Variants in ZNF76 observed in about 807,000 individuals in gnomAD.
ZNF76 encodes the protein zinc finger protein 76, also known as zinc finger protein 523.
In ZNF76, 66 loss-of-function variants were observed where a neutral mutation model predicts 66.9. The observed-to-expected ratio is 0.99, with a 90% CI of 0.81 to 1.21. The LOEUF (loss-of-function observed/expected upper bound fraction) is 1.21, where lower values mean the gene tolerates loss of function less well. ZNF76 is among the 50% of genes most tolerant of loss of function. The pLI, the probability that ZNF76 is intolerant of heterozygous loss-of-function variation, is 0.00. For missense variants in ZNF76, 729 were observed against 760.3 expected, an observed-to-expected ratio of 0.96 and a Z score of 0.48; for synonymous variants, 275 against 296.1, an observed-to-expected ratio of 0.93 and a Z score of 0.73.
intron 1 of ZNF76, among the ~76,000 whole-genome samples, chr6:35,260,829 A>C (rs1024442068): frequency 2.0e-5 from 3 of 152,182 alleles, no homozygotes; most frequent in Non-Finnish European, 4.4e-5. Context: ...AATTTTTTGC[A>C]ATCATTTTTG....
chr6:35,293,724 C>A (rs1370289094), intron 11 of ZNF76, 27 bp from the exon 12 acceptor site: 18 of 1,610,372 alleles, frequency 1.1e-5, no homozygotes, highest in Non-Finnish European at 1.4e-5. Context: ...CTGACACTGC[C>A]AGCTCATCTT....
In ZNF76 at chr6:35,291,333, C is replaced by T. The variant is rs1790347614; in HGVS notation, c.681C>T (p.Cys227=). ...RTHTGEKPYK[C]PEELCSKAFK... The stretch of plus-strand genomic sequence containing the variant: ...ACACTGGTGAGAAACCATACAAGTG[C>T]CCAGAGGAGCTGTGCAGCAAGGCCT... Residue 227 remains cysteine (C), a synonymous_variant, in exon 8 of 14, where the codon TGC becomes TGT. Coordinates refer to ENST00000373953, the MANE Select transcript of ZNF76 (RefSeq NM_003427.5). 2 of 1,613,868 alleles carry T rather than the reference C, an allele frequency of 1.2e-6. No individual in the cohort carries two copies.
chr6:35,277,940 A>G (rs2150355972), intron 1 of ZNF76, among the ~76,000 whole-genome samples: 1 of 152,204 alleles, frequency 6.6e-6, no homozygotes, highest in Non-Finnish European at 1.5e-5. Context: ...GCTCACTGCA[A>G]GCTCCGCCTC....
rs763131867 is a variant in ZNF76, at chr6:35,293,059, G to A, written c.1329+15G>A. ...GTGCCCAGCAGGTACAGGCCCTGGA[G>A]GGCAGAGGTGCCATACTAGCTGGCA... On this transcript the variant is annotated intron_variant, in intron 11 of 13. Coordinates refer to ENST00000373953, the MANE Select transcript of ZNF76 (RefSeq NM_003427.5). 5 of 1,612,558 alleles carry A rather than the reference G, an allele frequency of 3.1e-6. No individual in the cohort carries two copies. Among genetic ancestry groups the A allele is most frequent in the East Asian group, 4.5e-5 (2 of 44,894 alleles).
intron 5 of ZNF76, 86 bp from the exon 6 acceptor site, chr6:35,290,180 T>G: frequency 6.4e-7 from 1 of 1,559,676 alleles, no homozygotes; most frequent in Non-Finnish European, 8.7e-7. Context: ...CCCTGCCTGT[T>G]GGGTCTTAAG....
chr6:35,278,790 T>C (rs917950199), intron 1 of ZNF76, among the ~76,000 whole-genome samples: 2 of 152,202 alleles, frequency 1.3e-5, no homozygotes, highest in Non-Finnish European at 2.9e-5. Context: ...ACAGAAGATA[T>C]CCTGCCAGCA....
chr6:35,270,377 C>T (rs3777742), intron 1 of ZNF76: 99,712 of 151,496 alleles, frequency 0.66, 36,635 homozygotes, highest in Non-Finnish European at 0.81. Flanking sequence ...CCTTGTGATC[C>T]GCCCGCCTTG....
chr6:35,282,363 T>TA (rs60281715), intron 2 of ZNF76, among the ~76,000 whole-genome samples: 310 of 134,542 alleles, frequency 2.3e-3, no homozygotes, highest in Middle Eastern at 7.6e-3. Flanking sequence ...TACCAAGTTC[T>TA]AAAAAAAAAA....
At position 35,292,703 on chromosome 6, in the gene ZNF76, G is replaced by GCCA. The variant is rs778495738; in HGVS notation, c.1082_1084dup (p.Ala361_Met362insThr). 3 of 1,614,156 alleles carry GCCA rather than the reference G, an allele frequency of 1.9e-6. No individual in the cohort carries two copies. The South Asian group carries it at 3.3e-5, about 18-fold the overall frequency. ...GACCTACCGGCAGACCTCCACCTTG[G>GCCA]CCATGCACAAGCGCAGTGCCCACGG... is the stretch of plus-strand genomic sequence containing the variant. On this transcript the variant is annotated inframe_insertion, in exon 10 of 14. Coordinates refer to ENST00000373953, the MANE Select transcript of ZNF76 (RefSeq NM_003427.5). This position sits in a 1 kb window ranked among gnomAD's most constrained non-coding sequence, Gnocchi z 4.7.
chr6:35,274,987 T>C (rs2150351733), intron 1 of ZNF76, among the ~76,000 whole-genome samples: 1 of 152,152 alleles, frequency 6.6e-6, no homozygotes, highest in South Asian at 2.1e-4. Context: ...ACCCCGTCTC[T>C]ACTAAAAATA....
At chr6:35,261,839 G>A (rs1252917441) in intron 1 of ZNF76, among the ~76,000 whole-genome samples, 2 of 151,872 alleles carry the variant, frequency 1.3e-5, no homozygotes, top group East Asian at 1.9e-4. Context: ...TTCTATTACC[G>A]TTTGCCATGT....
At chr6:35,271,114 T>C (rs1279351445) in intron 1 of ZNF76, among the ~76,000 whole-genome samples, 1 of 152,230 alleles carries the variant, frequency 6.6e-6, no homozygotes, top group Non-Finnish European at 1.5e-5. Flanking sequence ...TTGATGGACA[T>C]TTATGCTGTT....
chr6:35,261,149 GACATA>G (rs1167844690), intron 1 of ZNF76, among the ~76,000 whole-genome samples: 1 of 152,202 alleles, frequency 6.6e-6, no homozygotes, highest in Admixed American at 6.5e-5. Flanking sequence ...AGTAGTGCCT[GACATA>G]ACATATGTAA....
chr6:35,286,277 A>G (rs773611391), intron 3 of ZNF76, 45 bp from the exon 4 acceptor site: 5 of 1,612,786 alleles, frequency 3.1e-6, no homozygotes, highest in Non-Finnish European at 4.2e-6. Context: ...GGACCCCTCC[A>G]TGGCACTGAG....
intron 1 of ZNF76, among the ~76,000 whole-genome samples, chr6:35,275,244 CTT>C (rs1787711837): frequency 6.6e-6 from 1 of 152,148 alleles, no homozygotes; most frequent in African/African-American, 2.4e-5. Context: ...TGTCTTCACT[CTT>C]TTCTCACCTT....
chr6:35,285,925 T>TC (rs11402496), intron 2 of ZNF76, among the ~76,000 whole-genome samples: 119,699 of 152,142 alleles, frequency 0.79, 47,733 homozygotes, highest in Non-Finnish European at 0.85. Context: ...GGTGATGGGT[T>TC]CGGCAAGGCA....
At chr6:35,284,248 C>T (rs151287036) in intron 2 of ZNF76, among the ~76,000 whole-genome samples, 8 of 150,658 alleles carry the variant, frequency 5.3e-5, no homozygotes, top group Non-Finnish European at 8.9e-5. Context: ...TGTGCCATCA[C>T]GCCTGGTTAA....
chr6:35,294,866 C>T (rs776970554), intron 13 of ZNF76: 7 of 569,614 alleles, frequency 1.2e-5, no homozygotes, highest in Non-Finnish European at 2.2e-5. Context: ...AGGAGGCTGA[C>T]GTAGATGATC....
rs1378893427 is a variant in ZNF76, at chr6:35,267,092, T to C, written c.-97+7251T>C. Among the ~76,000 whole-genome samples the C allele has an allele frequency of 4.0e-5, 6 of 151,186 alleles. No homozygotes were observed. The East Asian group carries it at 5.9e-4, about 15-fold the overall frequency. On this transcript the variant is annotated intron_variant, in intron 1 of 13. Transcript: ENST00000373953. ...GGGATTACAGGCTTGAGCCACTGCA[T>C]CCGGCCCCTTATCTGTTTCTTTGAC...
Sources: gnomAD v4.1 joint callset for allele counts (sites outside exome capture counted in the v4.1 genomes callset) on GRCh38, gnomAD v4.1.1 for gene constraint, Gnocchi (gnomAD v3.1) non-coding constraint, MANE v1.5 for transcripts, NCBI Gene and HGNC (gene_info 2026-07-23, HGNC 2026-07-21) for gene names.